Variants in ARID1B observed in about 807,000 individuals in gnomAD.
ARID1B encodes the protein AT-rich interactive domain-containing protein 1B.
In ARID1B, 30 loss-of-function variants were observed where a neutral mutation model predicts 212.3. The observed-to-expected ratio is 0.14, with a 90% CI of 0.11 to 0.19. The LOEUF is 0.19. Ranked by LOEUF, ARID1B falls within the 10% of genes least tolerant of loss-of-function variation. ARID1B has a pLI of 1.00. For synonymous variants in ARID1B, 1,402 were observed against 1,301.7 expected (o/e 1.08, Z -1.66); for missense variants, 2,891 against 3,204.0 (o/e 0.90, Z 2.36).
At chr6:157,049,655 A>G (rs1782462572) in intron 4 of ARID1B, among the ~76,000 whole-genome samples, 1 of 152,164 alleles carries the variant, frequency 6.6e-6, no homozygotes, top group African/African-American at 2.4e-5. Context: ...GGGGAGGTGA[A>G]GAACAGAGCA....
In ARID1B at chr6:156,858,128, G is replaced by A. The variant is rs192686398; in HGVS notation, c.1986+28707G>A. Among the ~76,000 whole-genome samples the A allele has an allele frequency of 3.5e-3, 526 of 151,954 alleles. 4 individuals carry two copies. Among genetic ancestry groups the A allele is most frequent in the Non-Finnish European group, 4.6e-3 (310 of 67,990 alleles). ...TTACGTGTAATAAGTCAGGCACAGA[G>A]AGACAAATAATGCATGTTCTCCCTC... On this transcript the variant is annotated intron_variant, in intron 2 of 19. Transcript: ENST00000636930.
intron 2 of ARID1B, among the ~76,000 whole-genome samples, chr6:156,838,661 C>G (rs557137248): frequency 2.7e-5 from 4 of 150,528 alleles, no homozygotes; most frequent in Non-Finnish European, 5.9e-5. Context: ...ACATGTATAC[C>G]TATGTAACAA....
At chr6:156,798,805 G>C (rs1157672622) in intron 1 of ARID1B, among the ~76,000 whole-genome samples, 1 of 152,172 alleles carries the variant, frequency 6.6e-6, no homozygotes, top group Non-Finnish European at 1.5e-5. Flanking sequence ...CTTGTGTGGC[G>C]AAAATCTTGG....
chr6:156,965,556 G>A (rs892234133), intron 4 of ARID1B, among the ~76,000 whole-genome samples: 5 of 152,196 alleles, frequency 3.3e-5, no homozygotes, highest in African/African-American at 1.2e-4. Context: ...TGTAGAAAGA[G>A]TAGATTAAAC....
chr6:156,802,271 C>T (rs530184398), intron 1 of ARID1B, among the ~76,000 whole-genome samples: 2 of 152,316 alleles, frequency 1.3e-5, no homozygotes, highest in East Asian at 1.9e-4. Context: ...CATTTTATTT[C>T]ACATCATCAT....
At chr6:156,957,541 A>G (rs1033853358) in intron 4 of ARID1B, among the ~76,000 whole-genome samples, 1 of 152,214 alleles carries the variant, frequency 6.6e-6, no homozygotes, top group African/African-American at 2.4e-5. Flanking sequence ...ATCACTTGGC[A>G]TCTTTCTCAT....
At chr6:157,039,616 AC>A (rs1161855161) in intron 4 of ARID1B, among the ~76,000 whole-genome samples, 9 of 123,210 alleles carry the variant, frequency 7.3e-5, no homozygotes, top group Non-Finnish European at 1.4e-4. Flanking sequence ...AAAGCTACCT[AC>A]CTTCCTTCCT....
intron 4 of ARID1B, among the ~76,000 whole-genome samples, chr6:156,993,827 A>C (rs991673953): frequency 1.3e-5 from 2 of 152,242 alleles, no homozygotes; most frequent in Non-Finnish European, 2.9e-5. Context: ...AAATATGGAT[A>C]ATATGTCCAA....
intron 3 of ARID1B, among the ~76,000 whole-genome samples, chr6:156,911,957 A>G (rs1028450134): frequency 2.1e-4 from 32 of 152,238 alleles, no homozygotes; most frequent in African/African-American, 7.7e-4. Flanking sequence ...AAGTTACCCC[A>G]AAGTCTGGAA....
chr6:157,121,628 G>GTTTT (rs1562635036), intron 6 of ARID1B, among the ~76,000 whole-genome samples: 2 of 106,754 alleles, frequency 1.9e-5, no homozygotes, highest in African/African-American at 4.5e-5. Flanking sequence ...ATCATATATA[G>GTTTT]CTTTTTTTTT....
At chr6:157,188,425 T>C (rs150962591) in intron 13 of ARID1B, among the ~76,000 whole-genome samples, 3 of 152,254 alleles carry the variant, frequency 2.0e-5, no homozygotes, top group East Asian at 1.9e-4. Context: ...GTAGAAATAA[T>C]GTACTCATTT....
chr6:157,068,686 T>C (rs995773196), intron 4 of ARID1B, among the ~76,000 whole-genome samples: 6 of 152,232 alleles, frequency 3.9e-5, no homozygotes, highest in African/African-American at 1.4e-4. Flanking sequence ...TTTGAGATCA[T>C]CATATGCTTA....
At chr6:157,120,507 G>A (rs1258355924) in intron 6 of ARID1B, among the ~76,000 whole-genome samples, 1 of 152,228 alleles carries the variant, frequency 6.6e-6, no homozygotes, top group African/African-American at 2.4e-5. Context: ...CTTCAAAGTA[G>A]TTCATGTTGT....
intron 2 of ARID1B, among the ~76,000 whole-genome samples, chr6:156,881,937 T>G (rs1022148386): frequency 2.6e-5 from 4 of 152,316 alleles, no homozygotes; most frequent in Middle Eastern, 3.4e-3. Flanking sequence ...TTTACTTGGG[T>G]AGTAACATAC....
At chr6:157,095,732 G>A (rs1785572389) in intron 5 of ARID1B, among the ~76,000 whole-genome samples, 1 of 152,118 alleles carries the variant, frequency 6.6e-6, no homozygotes, top group African/African-American at 2.4e-5. Flanking sequence ...CAAAAATACT[G>A]TTGTATTCTC....
chr6:157,013,349 A>G (rs1779723988), intron 4 of ARID1B, among the ~76,000 whole-genome samples: 1 of 152,224 alleles, frequency 6.6e-6, no homozygotes, highest in African/African-American at 2.4e-5. Flanking sequence ...ATTTAGATCC[A>G]GGGCTCTCTG....
At chr6:157,056,856 T>TC (rs1782989284) in intron 4 of ARID1B, among the ~76,000 whole-genome samples, 1 of 151,430 alleles carries the variant, frequency 6.6e-6, no homozygotes, top group Non-Finnish European at 1.5e-5. Flanking sequence ...TTTTAACTTT[T>TC]TTTGTTAAAA....
intron 1 of ARID1B, among the ~76,000 whole-genome samples, chr6:156,806,511 TTAA>T (rs1462893977): frequency 2.0e-5 from 3 of 152,234 alleles, no homozygotes; most frequent in African/African-American, 7.2e-5. Flanking sequence ...TTGGTTTTGC[TTAA>T]TAATACTACT....
In ARID1B at chr6:157,201,243, T is replaced by A. The variant is rs1379779039; in HGVS notation, c.5018T>A (p.Ile1673Asn). The change falls in exon 18 of 20, where the codon ATC (isoleucine) becomes AAC (asparagine). Residue 1673 changes from isoleucine (I) to asparagine (N), a missense_variant. Coordinates refer to ENST00000636930, the MANE Select transcript of ARID1B (RefSeq NM_001374828.1). The surrounding 1 kb of genome is among the most constrained non-coding windows in gnomAD (Gnocchi z 5.2). ...YQTPPSLPNHISRAPSPASFQ... is the reference protein window; with the variant it reads ...YQTPPSLPNHNSRAPSPASFQ... ...ACGCCACCGTCACTGCCAAATCACA[T>A]CTCCAGGGCGCCCAGCCCAGCGTCC... 3.1e-6 allele frequency: 5 copies of A among 1,613,592 alleles called. No individual in the cohort carries two copies. In the African/African-American group the frequency reaches 6.7e-5, roughly 22 times the overall value.
Sources: gnomAD v4.1 joint callset for allele counts (sites outside exome capture counted in the v4.1 genomes callset) on GRCh38, gnomAD v4.1.1 for gene constraint, Gnocchi (gnomAD v3.1) non-coding constraint, MANE v1.5 for transcripts, NCBI Gene and HGNC (gene_info 2026-07-23, HGNC 2026-07-21) for gene names.